The following COL26A1 variants were observed in gnomAD, a reference collection of about 807,000 sequenced individuals.
COL26A1 encodes the protein collagen alpha-1(XXVI) chain.
Under a neutral mutation model 59.3 loss-of-function variants are expected in COL26A1, and 41 were observed. That is an observed-to-expected ratio of 0.69 (90% CI 0.54 to 0.90). COL26A1 has a LOEUF of 0.90. Ranked by LOEUF, COL26A1 falls within the 40% of genes least tolerant of loss-of-function variation. The probability of loss-of-function intolerance (pLI) is 0.00; values close to 1 mark genes in which losing one functional copy is unlikely to be tolerated. For synonymous variants in COL26A1, 266 were observed against 256.0 expected, an observed-to-expected ratio of 1.04 and a Z score of -0.37; for missense variants, 612 against 602.3, an observed-to-expected ratio of 1.02 and a Z score of -0.17.
intron 2 of COL26A1, among the ~76,000 whole-genome samples, chr7:101,429,610 TG>T (rs1196691387): frequency 3.4e-5 from 3 of 87,100 alleles, no homozygotes; most frequent in Admixed American, 1.3e-4. Flanking sequence ...TTTTTTTTTT[TG>T]AGACAGGATT....
intron 1 of COL26A1, among the ~76,000 whole-genome samples, chr7:101,379,806 A>G (rs1037956865): frequency 1.3e-4 from 20 of 152,196 alleles, no homozygotes; most frequent in African/African-American, 4.8e-4. Context: ...CACCAGCGCC[A>G]TAACAGTTTG....
At chr7:101,419,306 C>G (rs1301886017) in intron 1 of COL26A1, among the ~76,000 whole-genome samples, 1 of 151,838 alleles carries the variant, frequency 6.6e-6, no homozygotes, top group Non-Finnish European at 1.5e-5. Flanking sequence ...GAGGCAGGGT[C>G]TCACTATGTG....
intron 3 of COL26A1, among the ~76,000 whole-genome samples, chr7:101,479,283 A>G (rs1794109821): frequency 6.6e-6 from 1 of 152,200 alleles, no homozygotes; most frequent in African/African-American, 2.4e-5. Context: ...GAGAAACTGT[A>G]TATCATTTTA....
At chr7:101,542,649 T>C (rs1208308982) in intron 5 of COL26A1, among the ~76,000 whole-genome samples, 4 of 152,118 alleles carry the variant, frequency 2.6e-5, no homozygotes, top group African/African-American at 9.7e-5. Flanking sequence ...GGAGGAGAGA[T>C]GCATGACACA....
At chr7:101,397,872 GTT>G (rs1400138265) in intron 1 of COL26A1, among the ~76,000 whole-genome samples, 8 of 152,150 alleles carry the variant, frequency 5.3e-5, no homozygotes, top group Admixed American at 1.3e-4. Flanking sequence ...AGCTTGATGA[GTT>G]TCTACTTATG....
At chr7:101,498,192 C>T (rs113785745) in intron 3 of COL26A1, among the ~76,000 whole-genome samples, 34 of 152,248 alleles carry the variant, frequency 2.2e-4, no homozygotes, top group African/African-American at 7.5e-4. Context: ...CTCAGCAGGT[C>T]GGATAAGGAT....
chr7:101,540,273 C>G (rs977294508), intron 5 of COL26A1, among the ~76,000 whole-genome samples: 1 of 152,260 alleles, frequency 6.6e-6, no homozygotes, highest in Non-Finnish European at 1.5e-5. Context: ...TGCAGTGGCT[C>G]ATGCCTGTAA....
intron 10 of COL26A1, among the ~76,000 whole-genome samples, chr7:101,551,553 C>T (rs150746611): frequency 9.8e-4 from 149 of 152,246 alleles, no homozygotes; most frequent in African/African-American, 3.5e-3. Context: ...AGTCTCCCAG[C>T]CTGACCAACA....
intron 1 of COL26A1, among the ~76,000 whole-genome samples, chr7:101,392,072 A>G (rs1791743926): frequency 6.6e-6 from 1 of 152,152 alleles, no homozygotes; most frequent in African/African-American, 2.4e-5. Flanking sequence ...GAGGCAGGGA[A>G]GTGTATGGGC....
chr7:101,501,702 G>A (rs1794709808), intron 3 of COL26A1, among the ~76,000 whole-genome samples: 1 of 152,226 alleles, frequency 6.6e-6, no homozygotes, highest in Non-Finnish European at 1.5e-5. Context: ...CCAGCACAGG[G>A]CTTTGTCCAA....
intron 3 of COL26A1, among the ~76,000 whole-genome samples, chr7:101,471,500 G>A (rs984786185): frequency 8.6e-5 from 13 of 151,304 alleles, no homozygotes; most frequent in South Asian, 6.2e-4. Flanking sequence ...ATACACTCAC[G>A]TCAAATACAA....
chr7:101,400,353 ATTTTTTTTTTT>A (rs574852983), intron 1 of COL26A1, among the ~76,000 whole-genome samples: 21 of 97,256 alleles, frequency 2.2e-4, no homozygotes, highest in African/African-American at 7.6e-4. Flanking sequence ...TTTTTTTCCT[ATTTTTTTTTTT>A]TTTTTTTTTT....
At chr7:101,484,923 C>T (rs977618890) in intron 3 of COL26A1, among the ~76,000 whole-genome samples, 21 of 151,654 alleles carry the variant, frequency 1.4e-4, no homozygotes, top group African/African-American at 4.6e-4. Flanking sequence ...GGCACAATCT[C>T]GGCTCACTGC....
intron 1 of COL26A1, among the ~76,000 whole-genome samples, chr7:101,412,300 C>T (rs1244863957): frequency 1.3e-5 from 2 of 152,154 alleles, no homozygotes; most frequent in Non-Finnish European, 2.9e-5. Context: ...AACCCTAAAG[C>T]TACCACCCTC....
chr7:101,378,320 A>T (rs1791366264), intron 1 of COL26A1, among the ~76,000 whole-genome samples: 1 of 152,114 alleles, frequency 6.6e-6, no homozygotes, highest in Non-Finnish European at 1.5e-5. Flanking sequence ...GATTTAACTT[A>T]GTTTTTTACT....
Position 101,495,641 on chromosome 7 carries a change from A to G in COL26A1, c.386-37441A>G, listed in dbSNP as rs10226109. The stretch of plus-strand genomic sequence containing the variant: ...TCACCATGTTAGCCAGAATGGTCTC[A>G]ATCTCCTGACCTTGTGATCCGCCCA... On this transcript the variant is annotated intron_variant, in intron 3 of 12. Coordinates refer to ENST00000313669, the MANE Select transcript of COL26A1 (RefSeq NM_001278563.3). Among the ~76,000 whole-genome samples, 72 of 150,512 alleles carry G rather than the reference A, an allele frequency of 4.8e-4. 1 individual carries two copies. In the South Asian group the frequency reaches 0.014, roughly 30 times the overall value.
intron 1 of COL26A1, among the ~76,000 whole-genome samples, chr7:101,418,329 C>T (rs1394868446): frequency 2.6e-5 from 4 of 152,194 alleles, no homozygotes; most frequent in African/African-American, 7.2e-5. Context: ...GCTTCAGCCC[C>T]GGTCCTCTTT....
intron 12 of COL26A1, 65 bp downstream of exon 12, chr7:101,555,936 C>CCT (rs1795966276): frequency 1.5e-6 from 2 of 1,374,480 alleles, no homozygotes; most frequent in Non-Finnish European, 2.0e-6. Flanking sequence ...CCAATGCTGC[C>CCT]CTCATGGCTG....
At chr7:101,544,790 C>G (rs1383477777) in intron 6 of COL26A1, among the ~76,000 whole-genome samples, 2 of 152,190 alleles carry the variant, frequency 1.3e-5, no homozygotes, top group Non-Finnish European at 2.9e-5. Context: ...GCCTTGGCCT[C>G]CCAAAGTGCT....
Sources: gnomAD v4.1 joint callset for allele counts (sites outside exome capture counted in the v4.1 genomes callset) on GRCh38, gnomAD v4.1.1 for gene constraint, MANE v1.5 for transcripts, NCBI Gene and HGNC (gene_info 2026-07-23, HGNC 2026-07-21) for gene names.